The following NDUFS4 variants were observed in gnomAD, a reference collection of about 807,000 sequenced individuals.
NDUFS4 encodes the protein NADH dehydrogenase [ubiquinone] iron-sulfur protein 4, mitochondrial.
Under a neutral mutation model 24.3 loss-of-function variants are expected in NDUFS4, and 28 were observed. That is an observed-to-expected ratio of 1.15 (90% CI 0.85 to 1.58). The LOEUF (loss-of-function observed/expected upper bound fraction) is 1.58. NDUFS4 is among the 40% of genes most tolerant of loss of function. The pLI is 0.00. For missense variants in NDUFS4, 223 were observed against 207.9 expected (o/e 1.07, Z -0.45); for synonymous variants, 93 against 69.7 (o/e 1.34, Z -1.67).
chr5:53,594,913 TTTAAATCCATCTGGAA>T (rs1750088378), intron 1 of NDUFS4, among the ~76,000 whole-genome samples: 4 of 151,730 alleles, frequency 2.6e-5, no homozygotes, highest in Admixed American at 2.6e-4. Flanking sequence ...TGCGTTGATT[TTTAAATCCATCTGGAA>T]TTCTTTGGTA....
At chr5:53,639,852 G>A (rs1383238108) in intron 2 of NDUFS4, among the ~76,000 whole-genome samples, 1 of 151,980 alleles carries the variant, frequency 6.6e-6, no homozygotes, top group Non-Finnish European at 1.5e-5. Flanking sequence ...GATAACTATT[G>A]AGTTCAAGAG....
In NDUFS4 at chr5:53,560,715, G is replaced by A. The variant is rs2112397890; in HGVS notation, c.53G>A (p.Arg18Lys). 1.9e-6 allele frequency: 3 copies of A among 1,614,228 alleles called. No homozygotes were observed. The highest frequency in any genetic ancestry group is 2.5e-6 in the Non-Finnish European group (3 of 1,180,036). The stretch of plus-strand genomic sequence containing the variant: ...CTGAGGCAGACGTTGTGGCGGAGAA[G>A]GGCAGTGGCTGTAGCTGCCCTTTCC... ...VVLRQTLWRRRAVAVAALSVS... is the reference protein window; with the variant it reads ...VVLRQTLWRRKAVAVAALSVS... Residue 18 changes from arginine (R) to lysine (K), a missense_variant, in exon 1 of 5, where the codon AGG becomes AAG. By Grantham distance (26) the Arg-to-Lys change is conservative. Transcript: ENST00000296684.
intron 1 of NDUFS4, among the ~76,000 whole-genome samples, chr5:53,600,568 T>C (rs2636999): frequency 0.79 from 119,467 of 152,108 alleles, 47,046 homozygotes; most frequent in African/African-American, 0.84. Context: ...CTCAGCTTCC[T>C]GAAGTGCTGG....
chr5:53,626,220 C>A (rs1015195261), intron 2 of NDUFS4, among the ~76,000 whole-genome samples: 3 of 152,302 alleles, frequency 2.0e-5, no homozygotes, highest in Non-Finnish European at 2.9e-5. Flanking sequence ...ATGAACTCAT[C>A]CTTTTTTATG....
chr5:53,658,565 C>A lies in NDUFS4; in HGVS notation c.365C>A (p.Ser122Tyr), dbSNP rs1247254233. The A allele has an allele frequency of 6.2e-7, 1 of 1,613,122 alleles. No homozygotes were observed. The highest frequency in any genetic ancestry group is 1.3e-5 in the African/African-American group (1 of 74,862). Residue 122 changes from serine (S) to tyrosine (Y), a missense_variant, in exon 4 of 5, where the codon TCC becomes TAC. Ser to Tyr is a moderately radical substitution (Grantham distance 144, BLOSUM62 -2). Transcript: ENST00000296684. Reference sequence around the variant, plus strand: ...GTTTCTTACAGGGCTGATCCCTTATCCAACATGGTTCTAACCTTCAGTACT... The same window carrying A: ...GTTTCTTACAGGGCTGATCCCTTATACAACATGGTTCTAACCTTCAGTACT... Reference protein sequence around the residue: ...MGWASTADPLSNMVLTFSTKE... With the variant: ...MGWASTADPLYNMVLTFSTKE...
At chr5:53,672,387 T>TA (rs1173714816) in intron 4 of NDUFS4, among the ~76,000 whole-genome samples, 2 of 152,020 alleles carry the variant, frequency 1.3e-5, no homozygotes, top group Non-Finnish European at 2.9e-5. Flanking sequence ...TCATGTGAAA[T>TA]AAAAAAACGT....
intron 2 of NDUFS4, among the ~76,000 whole-genome samples, chr5:53,605,596 A>G (rs1052527402): frequency 6.6e-6 from 1 of 152,140 alleles, no homozygotes; most frequent in African/African-American, 2.4e-5. Context: ...CAGCTTTGTT[A>G]TACCTTTCTT....
intron 2 of NDUFS4, among the ~76,000 whole-genome samples, chr5:53,620,526 T>C (rs1751001691): frequency 6.6e-6 from 1 of 152,148 alleles, no homozygotes; most frequent in South Asian, 2.1e-4. Flanking sequence ...TGCATAGCAG[T>C]TAGTGCTACA....
At position 53,681,093 on chromosome 5, in the gene NDUFS4, G is replaced by C. The variant is rs1478946032; in HGVS notation, c.425-2025G>C. On this transcript the variant is annotated intron_variant, in intron 4 of 4. Transcript: ENST00000296684. ...GTAATGGAAATTTATATAGAGACAT[G>C]TTGCTATGAAGTTGTGAATCAAATT... Among the ~76,000 whole-genome samples the C allele has an allele frequency of 2.0e-5, 3 of 152,084 alleles. No homozygotes were observed. In the East Asian group the frequency reaches 5.8e-4, roughly 29 times the overall value.
intron 2 of NDUFS4, among the ~76,000 whole-genome samples, chr5:53,630,436 G>A (rs919111940): frequency 6.6e-6 from 1 of 152,096 alleles, no homozygotes; most frequent in Non-Finnish European, 1.5e-5. Flanking sequence ...GCCTTGCTAG[G>A]TTGGGGAAGT....
At chr5:53,647,602 G>T (rs901923993) in intron 3 of NDUFS4, among the ~76,000 whole-genome samples, 2 of 152,122 alleles carry the variant, frequency 1.3e-5, no homozygotes, top group Non-Finnish European at 2.9e-5. Flanking sequence ...ATGGAATAGG[G>T]CCCAAATGTT....
At chr5:53,604,882 C>T (rs940778367) in intron 2 of NDUFS4, 1 of 456,144 alleles carries the variant, frequency 2.2e-6, no homozygotes, top group African/African-American at 2.0e-5. Flanking sequence ...CACCATCTAC[C>T]TATTCTTCAA....
intron 4 of NDUFS4, among the ~76,000 whole-genome samples, chr5:53,670,492 G>A (rs951864230): frequency 2.0e-5 from 3 of 151,254 alleles, no homozygotes; most frequent in African/African-American, 4.9e-5. Context: ...AACACTGGAC[G>A]AAGTAAAATA....
At chr5:53,584,899 C>G (rs1051694531) in intron 1 of NDUFS4, among the ~76,000 whole-genome samples, 30 of 151,934 alleles carry the variant, frequency 2.0e-4, no homozygotes, top group African/African-American at 7.0e-4. Context: ...TCCCAAGTAG[C>G]TGGGATTACA....
chr5:53,598,326 A>G (rs376851782), intron 1 of NDUFS4, among the ~76,000 whole-genome samples: 1 of 152,190 alleles, frequency 6.6e-6, no homozygotes, highest in Admixed American at 6.5e-5. Context: ...AATAACCCCA[A>G]TGTTCATCAG....
intron 2 of NDUFS4, among the ~76,000 whole-genome samples, chr5:53,644,610 C>T (rs1311717371): frequency 1.3e-5 from 2 of 151,872 alleles, no homozygotes. Flanking sequence ...GAAGTTGAAC[C>T]TGAATATTAG....
chr5:53,665,842 C>T (rs1752497836), intron 4 of NDUFS4, among the ~76,000 whole-genome samples: 2 of 152,348 alleles, frequency 1.3e-5, no homozygotes, highest in South Asian at 4.1e-4. Flanking sequence ...CCTGCACACA[C>T]TGTCTGATGC....
intron 3 of NDUFS4, among the ~76,000 whole-genome samples, chr5:53,651,215 A>G (rs1406846729): frequency 6.6e-6 from 1 of 151,962 alleles, no homozygotes; most frequent in Non-Finnish European, 1.5e-5. Context: ...ATATTTACTT[A>G]TTTGATTTGA....
chr5:53,566,065 C>T (rs1399389958), intron 1 of NDUFS4, among the ~76,000 whole-genome samples: 7 of 151,976 alleles, frequency 4.6e-5, no homozygotes, highest in African/African-American at 1.2e-4. Flanking sequence ...CCCAGCTACT[C>T]GGGAGGCCGA....
Sources: allele counts gnomAD v4.1 joint callset (sites outside exome capture counted in the v4.1 genomes callset), GRCh38; gene constraint gnomAD v4.1.1; transcripts MANE v1.5; gene names NCBI Gene and HGNC (gene_info 2026-07-23, HGNC 2026-07-21).